ASTN1: variants seen among roughly 807,000 people sequenced by gnomAD.
The protein encoded by ASTN1 is astrotactin 1.
ASTN1 carries 41 observed loss-of-function variants against 140.7 expected under a neutral mutation model. The observed-to-expected ratio is 0.29, with a 90% CI of 0.23 to 0.38. ASTN1 has a LOEUF of 0.38. Ranked by LOEUF, ASTN1 falls within the 10% of genes least tolerant of loss-of-function variation. ASTN1 has a pLI of 1.00. For missense variants in ASTN1, 1,479 were observed against 1,678.8 expected (o/e 0.88, Z 2.08); for synonymous variants, 640 against 652.2 (o/e 0.98, Z 0.29).
intron 16 of ASTN1, among the ~76,000 whole-genome samples, chr1:176,913,831 C>T (rs1670361924): frequency 2.0e-5 from 3 of 152,198 alleles, no homozygotes; most frequent in Admixed American, 1.3e-4. Context: ...ATTCAGTAGT[C>T]ACTATACACA....
At chr1:176,885,775 T>A (rs1172915241) in intron 18 of ASTN1, among the ~76,000 whole-genome samples, 3 of 152,170 alleles carry the variant, frequency 2.0e-5, no homozygotes, top group Non-Finnish European at 4.4e-5. Context: ...GTCCCTTCTT[T>A]AAAGGAGCTT....
intron 2 of ASTN1, among the ~76,000 whole-genome samples, chr1:177,053,403 A>G (rs958869585): frequency 1.3e-5 from 2 of 152,214 alleles, no homozygotes; most frequent in African/African-American, 2.4e-5. Flanking sequence ...TTTGCAAAGA[A>G]GATGTAAAGA....
chr1:177,065,678 GAT>G (rs2102042840), intron 1 of ASTN1, among the ~76,000 whole-genome samples: 1 of 152,270 alleles, frequency 6.6e-6, no homozygotes, highest in Admixed American at 6.5e-5. Context: ...CTGCAGGGGG[GAT>G]GAGGTGGAGA....
rs1323763966 is a variant in ASTN1 at position 176,974,250 on chromosome 1, C to T, written c.1524-9013G>A. On this transcript the variant is annotated intron_variant, in intron 8 of 22. Coordinates refer to ENST00000361833, the MANE Select transcript of ASTN1 (RefSeq NM_004319.3). The stretch of plus-strand genomic sequence containing the variant: ...GGGATAATAATATTATCTACCTCAT[C>T]AACTGCATAGGGTTGAATACTTTTT... Among the ~76,000 whole-genome samples, 4 of 152,164 alleles carry T rather than the reference C, an allele frequency of 2.6e-5. No homozygotes were observed. The East Asian group carries it at 7.7e-4, about 29-fold the overall frequency.
intron 16 of ASTN1, among the ~76,000 whole-genome samples, 171 bp downstream of exon 16, chr1:176,933,981 G>T (rs915201527): frequency 2.6e-5 from 4 of 152,156 alleles, no homozygotes; most frequent in African/African-American, 9.7e-5. Flanking sequence ...TTGATTTTGA[G>T]ATTTGGTTTT....
intron 16 of ASTN1, among the ~76,000 whole-genome samples, chr1:176,919,505 G>A (rs1670640528): frequency 6.6e-6 from 1 of 152,112 alleles, no homozygotes; most frequent in Non-Finnish European, 1.5e-5. Flanking sequence ...AGTAAAGGTT[G>A]GGAGCTGGAA....
chr1:177,066,942 C>G (rs568511391), intron 1 of ASTN1, among the ~76,000 whole-genome samples: 19 of 152,218 alleles, frequency 1.2e-4, no homozygotes, highest in African/African-American at 4.6e-4. Flanking sequence ...AATTTTTAGC[C>G]TCATGTTGAG....
At chr1:176,909,436 ATT>A (rs1231536790) in intron 16 of ASTN1, among the ~76,000 whole-genome samples, 1 of 152,220 alleles carries the variant, frequency 6.6e-6, no homozygotes, top group Non-Finnish European at 1.5e-5. Context: ...GCTGGCAACC[ATT>A]CTCTCTAGGA....
intron 16 of ASTN1, among the ~76,000 whole-genome samples, chr1:176,900,010 CTAGTT>C (rs1557945490): frequency 2.0e-5 from 3 of 152,094 alleles, no homozygotes; most frequent in Non-Finnish European, 2.9e-5. Context: ...ACGTCTTTGC[CTAGTT>C]TAGTTCTACA....
chr1:176,955,069 C>G (rs1054148444), intron 11 of ASTN1, among the ~76,000 whole-genome samples: 2 of 152,314 alleles, frequency 1.3e-5, no homozygotes, highest in Non-Finnish European at 2.9e-5. Flanking sequence ...CATCTCTTCT[C>G]CTTCCTTGGG....
At chr1:177,155,900 C>T (rs1417627753) in intron 1 of ASTN1, among the ~76,000 whole-genome samples, 4 of 152,132 alleles carry the variant, frequency 2.6e-5, no homozygotes, top group African/African-American at 9.7e-5. Context: ...CTGAGAGAGC[C>T]TAGAAGCAAC....
rs752769508 is a variant in ASTN1 at position 176,894,742 on chromosome 1, G to A, written c.2760C>T (p.Ser920=). 29 of 1,614,014 alleles carry A rather than the reference G, an allele frequency of 1.8e-5. No individual in the cohort carries two copies. The highest frequency in any genetic ancestry group is 4.0e-5 in the African/African-American group (3 of 74,944). The change falls in exon 17 of 23, where the codon TCC becomes TCT. Residue 920 remains serine (S), a synonymous_variant. Transcript: ENST00000361833. ...FPEYITSLSD[S]GTKHMAAGVR... is the part of the protein sequence containing the mutation. The stretch of plus-strand genomic sequence containing the variant: ...CTCCAGCCGCCATGTGCTTGGTGCC[G>A]GAGTCTGACAAGCTGGTGATGTATT...
At chr1:177,145,599 A>C (rs147943259) in intron 1 of ASTN1, among the ~76,000 whole-genome samples, 4 of 152,304 alleles carry the variant, frequency 2.6e-5, no homozygotes, top group Admixed American at 2.6e-4. Context: ...CGGGACTCTC[A>C]TAACAGTTCA....
At chr1:177,033,995 T>C (rs1211479918) in intron 2 of ASTN1, among the ~76,000 whole-genome samples, 2 of 152,116 alleles carry the variant, frequency 1.3e-5, no homozygotes, top group South Asian at 4.1e-4. Context: ...TAGGCCAGCA[T>C]GTGCCAAATG....
At chr1:176,885,001 TC>T (rs1571456611) in intron 18 of ASTN1, among the ~76,000 whole-genome samples, 1 of 152,314 alleles carries the variant, frequency 6.6e-6, no homozygotes, top group East Asian at 1.9e-4. Context: ...CAGCTTCCCT[TC>T]TTGCTATGGG....
chr1:176,914,202 G>C (rs1337719663), intron 16 of ASTN1, among the ~76,000 whole-genome samples: 1 of 152,128 alleles, frequency 6.6e-6, no homozygotes, highest in Non-Finnish European at 1.5e-5. Context: ...TAGAAAAGTT[G>C]GAGCTTATAT....
chr1:177,014,991 T>C, intron 7 of ASTN1, 116 bp from the exon 8 acceptor site: 7 of 888,722 alleles, frequency 7.9e-6, no homozygotes, highest in Non-Finnish European at 1.3e-5. Context: ...GATATTAGCA[T>C]GAATGAGACA....
intron 21 of ASTN1, among the ~76,000 whole-genome samples, chr1:176,874,054 T>C (rs4652198): frequency 0.86 from 131,338 of 152,152 alleles, 57,124 homozygotes; most frequent in African/African-American, 0.97. Flanking sequence ...TCCCACCACC[T>C]GCTGCCTACT....
chr1:177,158,292 C>T (rs574485533), intron 1 of ASTN1, among the ~76,000 whole-genome samples: 1 of 152,232 alleles, frequency 6.6e-6, no homozygotes, highest in African/African-American at 2.4e-5. Context: ...AAAATATCAA[C>T]TATTTCATAT....
Sources: gnomAD v4.1 joint callset for allele counts (sites outside exome capture counted in the v4.1 genomes callset) on GRCh38, gnomAD v4.1.1 for gene constraint, MANE v1.5 for transcripts, NCBI Gene and HGNC (gene_info 2026-07-23, HGNC 2026-07-21) for gene names.